TTN: variants seen among roughly 807,000 people sequenced by gnomAD.
The protein encoded by TTN is titin.
In TTN, 1,525 loss-of-function variants were observed where a neutral mutation model predicts 3,223.0. The ratio of observed to expected loss-of-function variants is 0.47; its 90% CI spans 0.45 to 0.49. The LOEUF is 0.49. TTN is among the 20% of genes least tolerant of loss of function. The probability of loss-of-function intolerance (pLI) is 0.00; values close to 1 mark genes in which losing one functional copy is unlikely to be tolerated. For missense variants in TTN, 40,786 were observed against 43,424.0 expected (o/e 0.94, Z 5.40); for synonymous variants, 14,094 against 15,161.0 (o/e 0.93, Z 5.17).
chr2:178,632,379 A>C lies in TTN; in HGVS notation c.43515T>G (p.Asp14505Glu). 1 of 1,600,678 alleles carries C rather than the reference A, an allele frequency of 6.2e-7. No individual in the cohort carries two copies. The highest frequency in any genetic ancestry group is 8.5e-7 in the Non-Finnish European group (1 of 1,173,700). ...IRLKFLTPLKDVTAKEKESAV... is the reference protein window; with the variant it reads ...IRLKFLTPLKEVTAKEKESAV... ...CACTTTCCTTCTCTTTGGCAGTTAC[A>C]TCTTTGAGAGGGGTGAGGAATTTGA... The change falls in exon 236 of 363, where the codon GAT becomes GAG. Residue 14505 changes from aspartate to glutamate, a missense_variant. Asp to Glu is a conservative substitution (Grantham distance 45). Transcript: ENST00000589042.
chr2:178,593,901 A>G lies in TTN; in HGVS notation c.58433-34T>C, dbSNP rs773110110. 6.8e-6 allele frequency: 11 copies of G among 1,608,184 alleles called. No homozygotes were observed. In the South Asian group the frequency reaches 1.2e-4, roughly 18 times the overall value. On this transcript the variant is annotated intron_variant, in intron 297 of 362. Transcript: ENST00000589042. ...AAAAAAAATCATGGCACAAAATGTT[A>G]TTGCCATTTCTGCTTTTGAAAGAAC...
rs527667308 is a variant in TTN at position 178,591,083 on chromosome 2, T to C, written c.60642A>G (p.Thr20214=). The C allele has an allele frequency of 1.9e-6, 3 of 1,613,364 alleles. No homozygotes were observed. The East Asian group carries it at 6.7e-5, about 36-fold the overall frequency. ...AGACAACACCCCACGTGTCTTTCCT[T>C]GTATCTTGTTTCTCAACAATATAAT... ...VINYIVEKQD[T]RKDTWGVVSS... is the part of the protein sequence containing the mutation. The change falls in exon 304 of 363, where the codon ACA becomes ACG. Residue 20214 remains threonine (T), a synonymous_variant. Coordinates refer to ENST00000589042, the MANE Select transcript of TTN (RefSeq NM_001267550.2).
chr2:178,751,478 G>A (rs1316384031), intron 47 of TTN: 1 of 1,613,098 alleles, frequency 6.2e-7, no homozygotes, highest in South Asian at 1.1e-5. Flanking sequence ...TTTGTTAAAG[G>A]GAGAGCCAGT....
intron 102 of TTN, among the ~76,000 whole-genome samples, chr2:178,705,872 A>C (rs548605509): frequency 6.6e-6 from 1 of 152,198 alleles, no homozygotes; most frequent in Non-Finnish European, 1.5e-5. Context: ...CATATATAGA[A>C]AAAAAGTTTC....
rs889345827 is a variant in TTN, at chr2:178,589,636, C to T, written c.62089G>A (p.Gly20697Ser). The T allele has an allele frequency of 6.2e-7, 1 of 1,613,298 alleles. No homozygotes were observed. Among genetic ancestry groups the T allele is most frequent in the Admixed American group, 1.7e-5 (1 of 59,970 alleles). ...ACATGATATGACAGATTTGGACTGC[C>T]ACCATCATAGTCAGGCCTCCGCCAC... ...LKWRRPDYDGGSPNLSYHVER... is the reference protein window; with the variant it reads ...LKWRRPDYDGSSPNLSYHVER... Residue 20697 changes from glycine (G) to serine (S), a missense_variant, in exon 304 of 363, where the codon GGC becomes AGC. By Grantham distance (56) the Gly-to-Ser change is moderately conservative. Transcript: ENST00000589042.
At chr2:178,778,596 A>G in intron 24 of TTN, 1 of 448,336 alleles carries the variant, frequency 2.2e-6, no homozygotes, top group Non-Finnish European at 4.1e-6. Flanking sequence ...GCTGTTGTAT[A>G]AATTTACATA....
Position 178,746,688 on chromosome 2 carries a change from A to G in TTN, c.11312-4767T>C, listed in dbSNP as rs751154295. The G allele has an allele frequency of 3.7e-6, 6 of 1,613,320 alleles. No homozygotes were observed. In the South Asian group the frequency reaches 5.5e-5, roughly 15 times the overall value. ...TGAATGTTAGAAATTTCCAGTGAAC[A>G]CACATTACCCACTCTTTCCATTTTG... On this transcript the variant is annotated intron_variant, in intron 47 of 362. Transcript: ENST00000589042.
Position 178,531,077 on chromosome 2 carries a change from T to C in TTN, c.105538A>G (p.Thr35180Ala), listed in dbSNP as rs1473790126. 1.2e-6 allele frequency: 2 copies of C among 1,614,026 alleles called. No homozygotes were observed. The highest frequency in any genetic ancestry group is 1.7e-6 in the Non-Finnish European group (2 of 1,179,892). ...ATCTCAAAGGTTGATTTGTACTTTG[T>C]GGTGGTCACTTGGTGGCGGGCAGAA... ...STSARHQVTT[T>A]KYKSTFEISS... The change falls in exon 358 of 363, where the codon ACA (threonine) becomes GCA (alanine). Residue 35180 changes from threonine (T) to alanine (A), a missense_variant. By Grantham distance (58) the Thr-to-Ala change is moderately conservative. Transcript: ENST00000589042.
At position 178,723,583 on chromosome 2, in the gene TTN, C is replaced by T. The variant is rs1451038846; in HGVS notation, c.21517G>A (p.Gly7173Ser). The change falls in exon 74 of 363, where the codon GGT (glycine) becomes AGT (serine). Residue 7173 changes from glycine to serine, a missense_variant. Gly to Ser is a moderately conservative substitution (Grantham distance 56, BLOSUM62 0). Coordinates refer to ENST00000589042, the MANE Select transcript of TTN (RefSeq NM_001267550.2). ...TCTCCTTTCACTAGTTCTCTGGCAC[C>T]TCTGAACCAGTTGACTTTGAATGGA... Reference protein sequence around the residue: ...TPPFKVNWFRGARELVKGDRC... With the variant: ...TPPFKVNWFRSARELVKGDRC... The T allele has an allele frequency of 7.4e-6, 12 of 1,613,222 alleles. No homozygotes were observed. Among genetic ancestry groups the T allele is most frequent in the Non-Finnish European group, 1.0e-5 (12 of 1,179,580 alleles).
chr2:178,774,207 G>A lies in TTN; in HGVS notation c.7057C>T (p.Pro2353Ser), dbSNP rs753386940. The A allele has an allele frequency of 1.5e-5, 24 of 1,613,880 alleles. No individual in the cohort carries two copies. Among genetic ancestry groups the A allele is most frequent in the East Asian group, 2.2e-5 (1 of 44,880 alleles). ...KKTTCKLKMK[P>S]RPIAILQGLS... ...GGCTGACAGGAATGGGAGGACTTAC[G>A]TTTCATCTTTAATTTACAGGTTGTC... The change falls in exon 30 of 363, where the codon CCC becomes TCC. Residue 2353 changes from proline (P) to serine (S), a missense_variant and splice_region_variant. Coordinates refer to ENST00000589042, the MANE Select transcript of TTN (RefSeq NM_001267550.2).
rs752227022 is a variant in TTN, at chr2:178,759,109, G to A, written c.10178C>T (p.Thr3393Ile). ...CAGTTGATAAGTGTCTTCAAATTGA[G>A]TCATTCTAAAGAACCGAGATGGCTT... ...KIKPSRFFRMTQFEDTYQLEI... is the reference protein window; with the variant it reads ...KIKPSRFFRMIQFEDTYQLEI... The change falls in exon 44 of 363, where the codon ACT becomes ATT. Residue 3393 changes from threonine (T) to isoleucine (I), a missense_variant. Physicochemically the swap from Thr to Ile is moderately conservative, Grantham distance 89 (BLOSUM62 -1). Coordinates refer to ENST00000589042, the MANE Select transcript of TTN (RefSeq NM_001267550.2). 2.5e-6 allele frequency: 4 copies of A among 1,613,966 alleles called. No homozygotes were observed. Among genetic ancestry groups the A allele is most frequent in the South Asian group, 1.1e-5 (1 of 91,066 alleles).
rs1258217639 is a variant in TTN, at chr2:178,760,128, T to C, written c.10115-956A>G. On this transcript the variant is annotated intron_variant, in intron 43 of 362. Transcript: ENST00000589042. ...TTGTCTGCATTTTAATGCCAATACT[T>C]GTCTATAAAAGTTACTCTCCTGCCC... Among the ~76,000 whole-genome samples, 5 of 152,186 alleles carry C rather than the reference T, an allele frequency of 3.3e-5. No individual in the cohort carries two copies. In the East Asian group the frequency reaches 9.6e-4, roughly 29 times the overall value.
At position 178,564,567 on chromosome 2, in the gene TTN, G is replaced by A. The variant is rs142391957; in HGVS notation, c.81565C>T (p.Leu27189=). The part of the protein sequence containing the change: ...AIVITRNNVT[L]KWKKPAYDGG... Reference sequence around the variant, plus strand: ...TCATAGGCAGGTTTCTTCCATTTCAGTGTGACATTGTTTCTTGTAATAACA... The same window carrying A: ...TCATAGGCAGGTTTCTTCCATTTCAATGTGACATTGTTTCTTGTAATAACA... Residue 27189 remains leucine (L), a synonymous_variant, in exon 326 of 363, where the codon CTG becomes TTG. Coordinates refer to ENST00000589042, the MANE Select transcript of TTN (RefSeq NM_001267550.2). The A allele has an allele frequency of 3.1e-6, 5 of 1,613,410 alleles. No individual in the cohort carries two copies. The highest frequency in any genetic ancestry group is 3.4e-6 in the Non-Finnish European group (4 of 1,179,672).
chr2:178,717,899 A>G (rs762886077), intron 86 of TTN, 44 bp downstream of exon 86: 9 of 1,577,674 alleles, frequency 5.7e-6, no homozygotes, highest in Admixed American at 1.9e-5. Flanking sequence ...CGTTTTTAAG[A>G]AAATGAATCT....
Position 178,587,086 on chromosome 2 carries a change from G to A in TTN, c.64093+32C>T, listed in dbSNP as rs760697416. ...TGACCTTGCTAAAATAGGAGACTGGGGTTAAAAGGAGGAAGAAAGCATAAT... is the reference window on the plus strand; with the variant it reads ...TGACCTTGCTAAAATAGGAGACTGGAGTTAAAAGGAGGAAGAAAGCATAAT... On this transcript the variant is annotated intron_variant, in intron 307 of 362. Coordinates refer to ENST00000589042, the MANE Select transcript of TTN (RefSeq NM_001267550.2). 3 of 1,610,902 alleles carry A rather than the reference G, an allele frequency of 1.9e-6. No individual in the cohort carries two copies. The South Asian group carries it at 3.3e-5, about 18-fold the overall frequency.
At chr2:178,594,822 A>G (rs1026691005) in intron 295 of TTN, among the ~76,000 whole-genome samples, 176 bp from the exon 296 acceptor site, 1 of 152,112 alleles carries the variant, frequency 6.6e-6, no homozygotes, top group African/African-American at 2.4e-5. Context: ...ACCCAATACA[A>G]TTGAATTTCT....
At chr2:178,769,599 A>T in intron 37 of TTN, 80 bp downstream of exon 37, 3 of 1,269,330 alleles carry the variant, frequency 2.4e-6, no homozygotes, top group Non-Finnish European at 3.2e-6. Flanking sequence ...AAAGTGTAGG[A>T]TATAGAATAT....
Position 178,667,458 on chromosome 2 carries a change from TTCTC to T in TTN, c.35693_35696del (p.Arg11898LysfsTer71). ...GAAATATACCTTTAGTTGCTGGTGT[TTCTC>T]TCTTTTTAGGAATAGTCACATATAT... On this transcript the variant is annotated frameshift_variant, in exon 161 of 363. Transcript: ENST00000589042. LOFTEE classifies it high-confidence loss of function. 3 of 1,601,070 alleles carry T rather than the reference TTCTC, an allele frequency of 1.9e-6. No homozygotes were observed. Among genetic ancestry groups the T allele is most frequent in the South Asian group, 2.2e-5 (2 of 90,650 alleles).
At chr2:178,702,350 A>T (rs112107788) in intron 107 of TTN, 104 bp downstream of exon 107, 2 of 1,601,730 alleles carry the variant, frequency 1.2e-6, no homozygotes, top group Non-Finnish European at 1.7e-6. Context: ...TTTCTAAAAA[A>T]GCATTCTAGA....
Sources: allele counts gnomAD v4.1 joint callset (sites outside exome capture counted in the v4.1 genomes callset), GRCh38; gene constraint gnomAD v4.1.1; transcripts MANE v1.5; gene names NCBI Gene and HGNC (gene_info 2026-07-23, HGNC 2026-07-21).